Variants in KIF11 observed in about 807,000 individuals in gnomAD.
The protein encoded by KIF11 is kinesin-like protein KIF11.
In KIF11, 9 loss-of-function variants were observed where a neutral mutation model predicts 121.0. The observed-to-expected ratio is 0.07, with a 90% CI of 0.04 to 0.13. The LOEUF is 0.13. Ranked by LOEUF, KIF11 falls within the 10% of genes least tolerant of loss-of-function variation. KIF11 has a pLI of 1.00. For missense variants in KIF11, 846 were observed against 1,217.5 expected (o/e 0.69, Z 4.54); for synonymous variants, 408 against 421.0 (o/e 0.97, Z 0.38).
intron 8 of KIF11, among the ~76,000 whole-genome samples, chr10:92,616,091 C>T (rs1204681980): frequency 6.6e-6 from 1 of 152,028 alleles, no homozygotes; most frequent in East Asian, 1.9e-4. Context: ...CCCGCCCCGG[C>T]CTTCCAAAGT....
chr10:92,649,380 G>A (rs1475367744), intron 19 of KIF11, among the ~76,000 whole-genome samples: 4 of 152,098 alleles, frequency 2.6e-5, no homozygotes, highest in East Asian at 1.9e-4. Flanking sequence ...CAGGAGGATC[G>A]TTTGAGCCCA....
intron 9 of KIF11, among the ~76,000 whole-genome samples, chr10:92,618,282 T>G (rs1844580848): frequency 6.7e-6 from 1 of 149,932 alleles, no homozygotes; most frequent in Non-Finnish European, 1.5e-5. Flanking sequence ...CTTGATGTTT[T>G]TTTTTTTTTT....
chr10:92,651,383 T>G (rs1191077083), intron 21 of KIF11, among the ~76,000 whole-genome samples: 5 of 148,834 alleles, frequency 3.4e-5, no homozygotes, highest in Non-Finnish European at 5.9e-5. Context: ...TTTCCCAGGC[T>G]GGAGTGCAAT....
At chr10:92,638,807 G>C (rs2135919937) in intron 16 of KIF11, among the ~76,000 whole-genome samples, 1 of 152,288 alleles carries the variant, frequency 6.6e-6, no homozygotes, top group South Asian at 2.1e-4. Context: ...AATACTGACA[G>C]ACTTTATTCA....
intron 9 of KIF11, among the ~76,000 whole-genome samples, chr10:92,620,721 T>TA (rs1283206266): frequency 2.6e-5 from 4 of 152,192 alleles, no homozygotes; most frequent in African/African-American, 7.2e-5. Context: ...AGTCACATCT[T>TA]ACGTGGGTGG....
rs1282064424 is a variant in KIF11, at chr10:92,606,285, G to A, written c.98G>A (p.Arg33Gln). ...VRCRPFNLAE[R>Q]KASAHSIVEC... ...TATAGACCATTTAATTTGGCAGAGC[G>A]GAAAGCTAGCGCCCATTCAATAGTA... The change falls in exon 2 of 22, where the codon CGG becomes CAG. Residue 33 changes from arginine (R) to glutamine (Q), a missense_variant. Arg to Gln is a conservative substitution (Grantham distance 43). This residue lies in a region of KIF11 where 140 missense variants were observed against 193.5 expected (regional missense o/e 0.72). Transcript: ENST00000260731. 4 of 1,596,690 alleles carry A rather than the reference G, an allele frequency of 2.5e-6. No homozygotes were observed. The highest frequency in any genetic ancestry group is 1.3e-5 in the African/African-American group (1 of 74,158).
intron 4 of KIF11, 138 bp downstream of exon 4, chr10:92,607,375 A>G: frequency 1.7e-6 from 1 of 575,234 alleles, no homozygotes; most frequent in East Asian, 2.9e-5. Flanking sequence ...CCACTACTAC[A>G]GTAAAATTAA....
chr10:92,637,697 T>G (rs1844822465), intron 16 of KIF11, 152 bp downstream of exon 16: 3 of 738,780 alleles, frequency 4.1e-6, no homozygotes, highest in Non-Finnish European at 4.3e-6. Context: ...CAGTAATTAT[T>G]GTAGAACAAT....
In KIF11 at chr10:92,603,266, T is replaced by TTTC. The variant is rs1554859097; in HGVS notation, c.78-2997_78-2996insCTT. Among the ~76,000 whole-genome samples the TTTC allele has an allele frequency of 1.3e-4, 18 of 136,418 alleles. 1 individual carries two copies. Among genetic ancestry groups the TTTC allele is most frequent in the South Asian group, 2.4e-4 (1 of 4,208 alleles). 89.5% of individuals were successfully genotyped at this position (136,418 alleles called of 152,430 possible). A position where few individuals can be genotyped will look rare whatever the true frequency, so the allele number is the denominator to read the frequency against. On this transcript the variant is annotated intron_variant, in intron 1 of 21. Transcript: ENST00000260731. ...TTAAACTGCTTTCTTTTCTTTTCTT[T>TTTC]TTTTTTTTTTTTTTTTGAGACAGAG...
In KIF11 at chr10:92,621,482, T is replaced by C; in HGVS notation, c.1217+9T>C. 1 of 1,538,110 alleles carries C rather than the reference T, an allele frequency of 6.5e-7. No individual in the cohort carries two copies. The highest frequency in any genetic ancestry group is 9.0e-7 in the Non-Finnish European group (1 of 1,113,506). On this transcript the variant is annotated intron_variant, in intron 10 of 21. Coordinates refer to ENST00000260731, the MANE Select transcript of KIF11 (RefSeq NM_004523.4). The stretch of plus-strand genomic sequence containing the variant: ...TCTGAAGAAAATTTTAGGTAAGCCC[T>C]TGGCTATGGAGTTAATTTCCAAGAA...
intron 1 of KIF11, chr10:92,597,129 C>T (rs771898813): frequency 2.7e-5 from 8 of 293,916 alleles, no homozygotes; most frequent in Middle Eastern, 1.5e-3. Flanking sequence ...TGCTTTGGCC[C>T]TTTGTGCAGT....
chr10:92,636,827 G>A (rs1320269715), intron 14 of KIF11, among the ~76,000 whole-genome samples: 1 of 151,824 alleles, frequency 6.6e-6, no homozygotes, highest in African/African-American at 2.4e-5. Context: ...GAGGTCAGGA[G>A]TTCCAGACCA....
chr10:92,631,179 A>T (rs1844734918), intron 12 of KIF11, among the ~76,000 whole-genome samples: 1 of 150,540 alleles, frequency 6.6e-6, no homozygotes, highest in African/African-American at 2.4e-5. Context: ...CTATAATCCC[A>T]TCTACTCAGG....
chr10:92,623,502 C>G (rs1844639473), intron 10 of KIF11, among the ~76,000 whole-genome samples: 1 of 152,060 alleles, frequency 6.6e-6, no homozygotes, highest in Admixed American at 6.6e-5. Context: ...TAATAATAAC[C>G]AGAAGCATTT....
intron 12 of KIF11, among the ~76,000 whole-genome samples, chr10:92,631,385 C>T (rs370136646): frequency 1.3e-4 from 19 of 141,274 alleles, no homozygotes; most frequent in East Asian, 6.1e-4. Flanking sequence ...GACGGAGTCT[C>T]GCTCTGTCGC....
intron 16 of KIF11, among the ~76,000 whole-genome samples, chr10:92,637,763 A>G (rs1252351048): frequency 6.6e-6 from 1 of 152,206 alleles, no homozygotes; most frequent in East Asian, 1.9e-4. Flanking sequence ...CCCATGCAGA[A>G]CCACAATATG....
intron 10 of KIF11, among the ~76,000 whole-genome samples, chr10:92,625,098 T>C (rs1452301259): frequency 6.6e-6 from 1 of 152,052 alleles, no homozygotes; most frequent in Admixed American, 6.6e-5. Context: ...CTTTGAGAAG[T>C]CGCCAAACTA....
At chr10:92,614,619 G>A (rs947699299) in intron 8 of KIF11, among the ~76,000 whole-genome samples, 1 of 152,086 alleles carries the variant, frequency 6.6e-6, no homozygotes, top group Non-Finnish European at 1.5e-5. Context: ...TTAGAAGCAG[G>A]CCAAGTGAAT....
intron 9 of KIF11, among the ~76,000 whole-genome samples, chr10:92,617,600 A>T (rs989452517): frequency 6.6e-6 from 1 of 152,154 alleles, no homozygotes; most frequent in Non-Finnish European, 1.5e-5. Context: ...ATGTAGCTGT[A>T]CCACTTTGTA....
Sources: gnomAD v4.1 joint callset for allele counts (sites outside exome capture counted in the v4.1 genomes callset) on GRCh38, gnomAD v4.1.1 for gene constraint, gnomAD v4.1.1 regional missense constraint, MANE v1.5 for transcripts, NCBI Gene and HGNC (gene_info 2026-07-23, HGNC 2026-07-21) for gene names.